Variants in ANKRD45 observed in about 807,000 individuals in gnomAD.
ANKRD45 encodes ankyrin repeat domain-containing protein 45.
In ANKRD45, 21 loss-of-function variants were observed where a neutral mutation model predicts 28.1. The ratio of observed to expected loss-of-function variants is 0.75; its 90% CI spans 0.53 to 1.08. The LOEUF (loss-of-function observed/expected upper bound fraction) is 1.08, where lower values mean the gene tolerates loss of function less well. ANKRD45 is among the 50% of genes least tolerant of loss of function. The probability of loss-of-function intolerance (pLI) is 0.00; values close to 1 mark genes in which losing one functional copy is unlikely to be tolerated. For missense variants in ANKRD45, 261 were observed against 308.7 expected (o/e 0.85, Z 1.16); for synonymous variants, 86 against 103.9 (o/e 0.83, Z 1.05).
chr1:173,699,849 G>T, the ANKRD45 span, among the ~76,000 whole-genome samples: 1 of 152,056 alleles, frequency 6.6e-6, no homozygotes, highest in Non-Finnish European at 1.5e-5. Context: ...AGAAATAAAG[G>T]GTATTCAATT....
At chr1:173,674,176 A>AT (rs972203018), upstream of ANKRD45, among the ~76,000 whole-genome samples, 54 of 150,898 alleles carry the variant, frequency 3.6e-4, no homozygotes, top group East Asian at 3.3e-3. Context: ...TGCCCAGCTA[A>AT]TTTTTTTTTG....
the ANKRD45 span, among the ~76,000 whole-genome samples, chr1:173,712,446 G>T: frequency 6.6e-6 from 1 of 152,194 alleles, no homozygotes; most frequent in Non-Finnish European, 1.5e-5. Flanking sequence ...GATGATAATA[G>T]ATCCTACCTC....
At chr1:173,669,466 T>A (rs1670167900) in intron 1 of ANKRD45, 1 of 454,924 alleles carries the variant, frequency 2.2e-6, no homozygotes, top group African/African-American at 2.0e-5. Flanking sequence ...AGGGCAACCC[T>A]GGGCACACAG....
the ANKRD45 span, among the ~76,000 whole-genome samples, chr1:173,706,587 C>T: frequency 6.6e-6 from 1 of 152,040 alleles, no homozygotes; most frequent in Admixed American, 6.6e-5. Context: ...GATCTGCCCA[C>T]CTCGGCCTCC....
the ANKRD45 span, among the ~76,000 whole-genome samples, chr1:173,681,958 G>A: frequency 6.6e-6 from 1 of 151,382 alleles, no homozygotes; most frequent in Non-Finnish European, 1.5e-5. Flanking sequence ...GCTGAGGCAG[G>A]AGAATCACTT....
the ANKRD45 span, among the ~76,000 whole-genome samples, chr1:173,683,432 A>G: frequency 0.076 from 11,609 of 152,086 alleles, 1,474 homozygotes; most frequent in African/African-American, 0.26. Flanking sequence ...TAAAACTCCA[A>G]AACAACAACA....
At chr1:173,645,024 A>G (rs1668863570) in intron 3 of ANKRD45, among the ~76,000 whole-genome samples, 1 of 151,792 alleles carries the variant, frequency 6.6e-6, no homozygotes, top group African/African-American at 2.4e-5. Context: ...TGGAATGTGA[A>G]TTTCACCTAA....
chr1:173,659,500 T>C, intron 1 of ANKRD45, 67 bp from the exon 2 acceptor site: 1 of 1,368,924 alleles, frequency 7.3e-7, no homozygotes, highest in South Asian at 1.6e-5. Context: ...TTTATTTATT[T>C]GCTCAGTCAA....
intron 5 of ANKRD45, among the ~76,000 whole-genome samples, chr1:173,612,320 G>GAAGGA (rs1667199315): frequency 3.8e-5 from 1 of 26,062 alleles, no homozygotes; most frequent in African/African-American, 2.6e-4. Flanking sequence ...AGGAAGGAAA[G>GAAGGA]AAGGAAGGAA....
intron 5 of ANKRD45, among the ~76,000 whole-genome samples, chr1:173,615,490 T>C (rs1053899637): frequency 3.9e-5 from 6 of 152,032 alleles, no homozygotes; most frequent in Non-Finnish European, 7.4e-5. Flanking sequence ...AAATACTGTG[T>C]TAGGTAAGTT....
intron 3 of ANKRD45, among the ~76,000 whole-genome samples, chr1:173,638,732 G>C (rs1668572346): frequency 2.0e-5 from 3 of 152,128 alleles, no homozygotes; most frequent in African/African-American, 7.2e-5. Flanking sequence ...CAGGAAGGTG[G>C]CTTACTGACT....
At chr1:173,622,437 T>C (rs922302933) in intron 5 of ANKRD45, among the ~76,000 whole-genome samples, 2 of 152,136 alleles carry the variant, frequency 1.3e-5, no homozygotes, top group Non-Finnish European at 2.9e-5. Context: ...AAAAACAGCA[T>C]GGTATTGGTA....
chr1:173,702,717 CTTT>C, the ANKRD45 span, among the ~76,000 whole-genome samples: 11 of 119,074 alleles, frequency 9.2e-5, no homozygotes, highest in African/African-American at 1.3e-4. Flanking sequence ...TCTGTGTCCT[CTTT>C]TTTTTTTTTT....
the ANKRD45 span, among the ~76,000 whole-genome samples, chr1:173,695,315 A>G: frequency 3.2e-4 from 48 of 152,312 alleles, no homozygotes; most frequent in Non-Finnish European, 6.3e-4. Flanking sequence ...TAGTGAACAC[A>G]GTACCCAATA....
At chr1:173,703,520 T>C in the ANKRD45 span, among the ~76,000 whole-genome samples, 1 of 152,176 alleles carries the variant, frequency 6.6e-6, no homozygotes, top group East Asian at 1.9e-4. Context: ...TGTCCATTCT[T>C]ATACATCCAT....
At chr1:173,651,759 C>T (rs941730829) in intron 2 of ANKRD45, among the ~76,000 whole-genome samples, 1 of 152,148 alleles carries the variant, frequency 6.6e-6, no homozygotes, top group Non-Finnish European at 1.5e-5. Context: ...TTTGTGTCCT[C>T]CTTTATTTCG....
intron 3 of ANKRD45, chr1:173,635,346 C>A: frequency 1.8e-6 from 1 of 569,486 alleles, no homozygotes; most frequent in Middle Eastern, 4.6e-4. Flanking sequence ...GCATATTTTG[C>A]TGACTGGCAA....
chr1:173,635,956 T>G, intron 3 of ANKRD45: 1 of 757,490 alleles, frequency 1.3e-6, no homozygotes, highest in East Asian at 2.7e-5. Flanking sequence ...ATTGTAACCT[T>G]CCCCCAACTT....
the ANKRD45 span, among the ~76,000 whole-genome samples, chr1:173,693,020 C>T: frequency 6.6e-6 from 1 of 151,850 alleles, no homozygotes; most frequent in Non-Finnish European, 1.5e-5. Flanking sequence ...CATGGTGGCT[C>T]ACACCTGTAA....
Sources: gnomAD v4.1 joint callset for allele counts (sites outside exome capture counted in the v4.1 genomes callset) on GRCh38, gnomAD v4.1.1 for gene constraint, MANE v1.5 for transcripts, NCBI Gene and HGNC (gene_info 2026-07-23, HGNC 2026-07-21) for gene names.